DLG2: variants seen among roughly 807,000 people sequenced by gnomAD.
The protein encoded by DLG2 is disks large homolog 2.
In DLG2, 45 loss-of-function variants were observed where a neutral mutation model predicts 132.5. That is an observed-to-expected ratio of 0.34 (90% CI 0.27 to 0.44). DLG2 has a LOEUF of 0.44. DLG2 is among the 20% of genes least tolerant of loss of function. The pLI, the probability that DLG2 is intolerant of heterozygous loss-of-function variation, is 1.00. For synonymous variants in DLG2, 424 were observed against 419.6 expected, an observed-to-expected ratio of 1.01 and a Z score of -0.13; for missense variants, 1,045 against 1,196.9, an observed-to-expected ratio of 0.87 and a Z score of 1.87.
At chr11:84,290,794 TG>T (rs2097982361) in intron 7 of DLG2, among the ~76,000 whole-genome samples, 2 of 152,160 alleles carry the variant, frequency 1.3e-5, no homozygotes, top group African/African-American at 4.8e-5. Context: ...AAGTAGAAAT[TG>T]TTCTTTTGGT....
rs139678034 is a variant in DLG2 at position 85,147,512 on chromosome 11, G to A, written c.282+7044C>T. On this transcript the variant is annotated intron_variant, in intron 5 of 27. Coordinates refer to ENST00000376104, the MANE Select transcript of DLG2 (RefSeq NM_001142699.3). Reference sequence around the variant, plus strand: ...TTTGTTCCACTACTGAGTTGTATAAGTTCTTTATAAATTTTGGATATTAAC... The same window carrying A: ...TTTGTTCCACTACTGAGTTGTATAAATTCTTTATAAATTTTGGATATTAAC... Among the ~76,000 whole-genome samples the A allele has an allele frequency of 1.9e-3, 289 of 152,236 alleles. 1 individual carries two copies. The highest frequency in any genetic ancestry group is 6.8e-3 in the African/African-American group (281 of 41,542).
At chr11:84,210,235 A>G (rs1214656245) in intron 8 of DLG2, among the ~76,000 whole-genome samples, 1 of 151,958 alleles carries the variant, frequency 6.6e-6, no homozygotes. Context: ...GTAAGCCAAG[A>G]TAGAGCCACT....
chr11:84,916,911 G>C (rs1294987695), intron 6 of DLG2, among the ~76,000 whole-genome samples: 2 of 152,076 alleles, frequency 1.3e-5, no homozygotes, highest in Non-Finnish European at 2.9e-5. Flanking sequence ...TGTATATTTT[G>C]TTTATGTGTT....
At position 85,183,852 on chromosome 11, in the gene DLG2, T is replaced by A. The variant is rs1566978021; in HGVS notation, c.187-29201A>T. Reference sequence around the variant, plus strand: ...GCTTCTCACTCTTTCTCACTGACCCTCAATGGAAGGAAAAAATAAAAAAGG... The same window carrying A: ...GCTTCTCACTCTTTCTCACTGACCCACAATGGAAGGAAAAAATAAAAAAGG... On this transcript the variant is annotated intron_variant, in intron 4 of 27. Coordinates refer to ENST00000376104, the MANE Select transcript of DLG2 (RefSeq NM_001142699.3). Among the ~76,000 whole-genome samples the A allele has an allele frequency of 2.6e-5, 4 of 151,916 alleles. No individual in the cohort carries two copies. The East Asian group carries it at 7.7e-4, about 29-fold the overall frequency.
intron 6 of DLG2, among the ~76,000 whole-genome samples, chr11:84,865,732 T>C (rs1275452120): frequency 6.6e-6 from 1 of 152,156 alleles, no homozygotes; most frequent in Non-Finnish European, 1.5e-5. Context: ...TCTTCAATGC[T>C]CTTATATGTG....
chr11:85,373,109 A>AG (rs2085119264), intron 3 of DLG2, among the ~76,000 whole-genome samples: 2 of 152,154 alleles, frequency 1.3e-5, no homozygotes, highest in African/African-American at 4.8e-5. Flanking sequence ...TGGTCGACCT[A>AG]GGTTTGGGCT....
intron 4 of DLG2, among the ~76,000 whole-genome samples, chr11:85,270,293 C>A (rs1210296522): frequency 6.6e-6 from 1 of 152,160 alleles, no homozygotes; most frequent in Non-Finnish European, 1.5e-5. Flanking sequence ...AGTTTCCCTG[C>A]ATAAGTTGTC....
intron 6 of DLG2, among the ~76,000 whole-genome samples, chr11:84,802,279 G>A (rs897599883): frequency 2.6e-5 from 4 of 152,014 alleles, no homozygotes; most frequent in Non-Finnish European, 4.4e-5. Context: ...GGAATAATAG[G>A]AAAGATGGAA....
At chr11:85,489,276 T>G (rs1045378062) in intron 3 of DLG2, among the ~76,000 whole-genome samples, 9 of 152,046 alleles carry the variant, frequency 5.9e-5, no homozygotes, top group African/African-American at 1.9e-4. Flanking sequence ...ATAGCTACAC[T>G]TACATCAGAT....
chr11:85,046,377 T>A (rs560487850), intron 6 of DLG2, among the ~76,000 whole-genome samples: 1 of 152,084 alleles, frequency 6.6e-6, no homozygotes, highest in African/African-American at 2.4e-5. Context: ...AGCATAGAAA[T>A]GGAATTATGA....
At chr11:85,463,688 T>C (rs1231287765) in intron 3 of DLG2, among the ~76,000 whole-genome samples, 1 of 152,164 alleles carries the variant, frequency 6.6e-6, no homozygotes, top group Non-Finnish European at 1.5e-5. Context: ...GGAGGATGAC[T>C]TGAGCCCAGG....
chr11:85,456,119 T>A (rs576776742), intron 3 of DLG2, among the ~76,000 whole-genome samples: 1 of 152,282 alleles, frequency 6.6e-6, no homozygotes, highest in African/African-American at 2.4e-5. Context: ...CTTTTTTTGG[T>A]AGGTAGGCTT....
intron 8 of DLG2, among the ~76,000 whole-genome samples, chr11:84,225,692 A>G (rs1032923310): frequency 2.0e-5 from 3 of 152,206 alleles, no homozygotes; most frequent in African/African-American, 7.2e-5. Flanking sequence ...AAAATTCTCT[A>G]TATTTTTCAT....
chr11:84,544,846 A>G (rs1473523400), intron 6 of DLG2, among the ~76,000 whole-genome samples: 3 of 152,158 alleles, frequency 2.0e-5, no homozygotes, highest in Non-Finnish European at 4.4e-5. Context: ...AGCCACAACC[A>G]AAAAAAGTGG....
chr11:84,916,448 A>AACCCACAC (rs1442431723), intron 6 of DLG2, among the ~76,000 whole-genome samples: 2 of 151,490 alleles, frequency 1.3e-5, no homozygotes, highest in Admixed American at 6.6e-5. Context: ...CAGAGCTGAA[A>AACCCACAC]ACCCACACAC....
intron 19 of DLG2, among the ~76,000 whole-genome samples, chr11:83,575,618 A>G (rs989904636): frequency 2.0e-5 from 3 of 152,206 alleles, no homozygotes; most frequent in African/African-American, 7.2e-5. Flanking sequence ...AAGGGCTGAG[A>G]TCAGTGCTGG....
At chr11:84,537,411 T>A (rs944674612) in intron 6 of DLG2, among the ~76,000 whole-genome samples, 5 of 152,186 alleles carry the variant, frequency 3.3e-5, no homozygotes, top group Non-Finnish European at 7.3e-5. Context: ...CAGCCCTGAA[T>A]TACTTTTGTT....
intron 17 of DLG2, among the ~76,000 whole-genome samples, chr11:83,819,658 T>C (rs927698713): frequency 1.3e-5 from 2 of 152,096 alleles, no homozygotes; most frequent in Non-Finnish European, 2.9e-5. Flanking sequence ...CAATAAATGT[T>C]CCTGGAATAT....
At position 84,181,607 on chromosome 11, in the gene DLG2, A is replaced by G. The variant is rs527790581; in HGVS notation, c.574-18096T>C. Among the ~76,000 whole-genome samples, 3 of 152,264 alleles carry G rather than the reference A, an allele frequency of 2.0e-5. No individual in the cohort carries two copies. In the East Asian group the frequency reaches 5.8e-4, roughly 29 times the overall value. On this transcript the variant is annotated intron_variant, in intron 8 of 27. Coordinates refer to ENST00000376104, the MANE Select transcript of DLG2 (RefSeq NM_001142699.3). ...AAAGTACATTAGATTAAAAAGCAAG[A>G]CATGACTGTATGTTGTCTACAAGAA...
Sources: gnomAD v4.1 joint callset for allele counts (sites outside exome capture counted in the v4.1 genomes callset) on GRCh38, gnomAD v4.1.1 for gene constraint, MANE v1.5 for transcripts, NCBI Gene and HGNC (gene_info 2026-07-23, HGNC 2026-07-21) for gene names.